The following TIA1 variants were observed in gnomAD, a reference collection of about 807,000 sequenced individuals.
TIA1 encodes cytotoxic granule associated RNA binding protein TIA1.
TIA1 carries 23 observed loss-of-function variants against 65.9 expected under a neutral mutation model. The observed-to-expected ratio is 0.35, with a 90% CI of 0.25 to 0.49. TIA1 has a LOEUF of 0.49. Ranked by LOEUF, TIA1 falls within the 20% of genes least tolerant of loss-of-function variation. The probability of loss-of-function intolerance (pLI) is 0.98; values close to 1 mark genes in which losing one functional copy is unlikely to be tolerated. For missense variants in TIA1, 371 were observed against 477.9 expected (o/e 0.78, Z 2.09); for synonymous variants, 147 against 149.4 (o/e 0.98, Z 0.12).
At chr2:70,234,702 C>CA (rs1361214944) in intron 2 of TIA1, among the ~76,000 whole-genome samples, 1 of 152,078 alleles carries the variant, frequency 6.6e-6, no homozygotes, top group East Asian at 1.9e-4. Context: ...GCTGGGATTA[C>CA]AGGCGCTTGC....
chr2:70,233,456 C>A lies in TIA1; in HGVS notation c.124-2602G>T, dbSNP rs186233670. Reference sequence around the variant, plus strand: ...TACCAAGATCAATGCTGACAGGCAACACTGAAATGAAGTTAGAAAAAGTCA... The same window carrying A: ...TACCAAGATCAATGCTGACAGGCAAAACTGAAATGAAGTTAGAAAAAGTCA... On this transcript the variant is annotated intron_variant, in intron 2 of 12. Transcript: ENST00000433529. Among the ~76,000 whole-genome samples, 21 of 152,228 alleles carry A rather than the reference C, an allele frequency of 1.4e-4. No individual in the cohort carries two copies. In the East Asian group the frequency reaches 3.9e-3, roughly 28 times the overall value.
At chr2:70,217,605 G>A (rs1344077894) in intron 7 of TIA1, among the ~76,000 whole-genome samples, 2 of 152,062 alleles carry the variant, frequency 1.3e-5, no homozygotes, top group Non-Finnish European at 2.9e-5. Context: ...CGCCATGTTA[G>A]CCAGGATGGT....
intron 2 of TIA1, among the ~76,000 whole-genome samples, chr2:70,234,446 G>T (rs72841149): frequency 0.061 from 9,347 of 152,194 alleles, 364 homozygotes; most frequent in East Asian, 0.18. Context: ...AAATGTGATA[G>T]AATAAAAGAA....
chr2:70,213,484 A>G (rs1290011228), intron 12 of TIA1, among the ~76,000 whole-genome samples: 1 of 150,908 alleles, frequency 6.6e-6, no homozygotes, highest in African/African-American at 2.4e-5. Context: ...ATCTGGGATT[A>G]TAGGCACGCA....
At chr2:70,221,428 C>G (rs1681298056) in intron 7 of TIA1, among the ~76,000 whole-genome samples, 1 of 151,896 alleles carries the variant, frequency 6.6e-6, no homozygotes, top group South Asian at 2.1e-4. Context: ...TATGATCACA[C>G]CACTGCACTC....
chr2:70,237,414 T>C (rs1474067902), intron 1 of TIA1, among the ~76,000 whole-genome samples: 5 of 151,350 alleles, frequency 3.3e-5, no homozygotes, highest in Non-Finnish European at 7.4e-5. Context: ...AAAGAAAATA[T>C]ATTACACCTT....
At chr2:70,238,428 G>A (rs147278058) in intron 1 of TIA1, among the ~76,000 whole-genome samples, 1,537 of 151,066 alleles carry the variant, frequency 0.01, 28 homozygotes, top group African/African-American at 0.036. Context: ...CCGCCACCAC[G>A]CCCAGCTAAT....
chr2:70,212,736 C>G lies in TIA1; in HGVS notation c.1144G>C (p.Gly382Arg). 1 of 1,613,048 alleles carries G rather than the reference C, an allele frequency of 6.2e-7. No individual in the cohort carries two copies. Among genetic ancestry groups the G allele is most frequent in the South Asian group, 1.1e-5 (1 of 91,032 alleles). Residue 382 changes from glycine to arginine, a missense_variant, in exon 13 of 13, where the codon GGG becomes CGG. By Grantham distance (125) the Gly-to-Arg change is moderately radical. Coordinates refer to ENST00000433529, the MANE Select transcript of TIA1 (RefSeq NM_022173.4). ...PNQPSGYRVA[G>R]YETQ ...GTCCTTATTCACTGGGTTTCATACC[C>G]TGCCACTCGATACCCAGAAGGCTGA... is the stretch of plus-strand genomic sequence containing the variant.
intron 7 of TIA1, among the ~76,000 whole-genome samples, chr2:70,219,599 T>C (rs1401285125): frequency 6.6e-6 from 1 of 152,162 alleles, no homozygotes; most frequent in Non-Finnish European, 1.5e-5. Context: ...AGCCTCCTAG[T>C]AGCTAGGACT....
chr2:70,223,706 G>A (rs190709655), intron 7 of TIA1, among the ~76,000 whole-genome samples: 1 of 151,192 alleles, frequency 6.6e-6, no homozygotes, highest in Non-Finnish European at 1.5e-5. Context: ...GAGCCACTGG[G>A]CTCGGCTGAA....
chr2:70,236,083 A>G lies in TIA1; in HGVS notation c.119T>C (p.Met40Thr), dbSNP rs1688780835. 1 of 1,582,306 alleles carries G rather than the reference A, an allele frequency of 6.3e-7. No homozygotes were observed. The highest frequency in any genetic ancestry group is 1.1e-5 in the South Asian group (1 of 87,112). Residue 40 changes from methionine (M) to threonine (T), a missense_variant, in exon 2 of 13, where the codon ATG becomes ACG. Physicochemically the swap from Met to Thr is moderately conservative, Grantham distance 81. Transcript: ENST00000433529. ...AACTAAGTAAAATACCCTTACATCC[A>G]TAATCATTTTGCAGTTTTTACAAGG... Reference protein sequence around the residue: ...IGPCKNCKMIMDTAGNDPYCF... With the variant: ...IGPCKNCKMITDTAGNDPYCF...
At chr2:70,225,726 T>C (rs1324905267) in intron 6 of TIA1, among the ~76,000 whole-genome samples, 1 of 152,232 alleles carries the variant, frequency 6.6e-6, no homozygotes, top group Non-Finnish European at 1.5e-5. Flanking sequence ...TGTAAGTCAA[T>C]GTTCAATATG....
At chr2:70,217,550 ACCACGCC>A (rs1679192802) in intron 7 of TIA1, among the ~76,000 whole-genome samples, 3 of 152,068 alleles carry the variant, frequency 2.0e-5, no homozygotes, top group African/African-American at 7.2e-5. Context: ...GGCACCTGCC[ACCACGCC>A]TGGCTCATTT....
chr2:70,214,203 A>G, intron 12 of TIA1, 146 bp downstream of exon 12: 3 of 901,118 alleles, frequency 3.3e-6, no homozygotes, highest in Non-Finnish European at 4.7e-6. Context: ...TTTTCTTACT[A>G]AAAAACAATT....
At chr2:70,244,999 T>C (rs1384578798) in intron 1 of TIA1, among the ~76,000 whole-genome samples, 1 of 151,974 alleles carries the variant, frequency 6.6e-6, no homozygotes, top group Non-Finnish European at 1.5e-5. Flanking sequence ...TATATAGCAA[T>C]TAATTGGGCT....
Position 70,248,591 on chromosome 2 carries a change from C to T in TIA1, c.-161G>A. ...CGGCAATTACACTAAACCGCCCGGCCCAGCGGGAACAATGAAACCCCAATA... is the reference window on the plus strand; with the variant it reads ...CGGCAATTACACTAAACCGCCCGGCTCAGCGGGAACAATGAAACCCCAATA... On this transcript the variant is annotated 5_prime_UTR_variant, in exon 1 of 13. Coordinates refer to ENST00000433529, the MANE Select transcript of TIA1 (RefSeq NM_022173.4). 9.9e-7 allele frequency: 1 copy of T among 1,009,546 alleles called. No individual in the cohort carries two copies. The highest frequency in any genetic ancestry group is 1.5e-6 in the Non-Finnish European group (1 of 672,100). The allele number at this position is 1,009,546 out of a possible 1,614,324, so 62.5% of individuals were successfully genotyped here.
chr2:70,224,267 C>A (rs1301091298), intron 7 of TIA1, among the ~76,000 whole-genome samples: 4 of 152,156 alleles, frequency 2.6e-5, no homozygotes. Flanking sequence ...GGAATATAAA[C>A]TAGGGAGATA....
intron 7 of TIA1, among the ~76,000 whole-genome samples, chr2:70,221,625 A>C (rs957509856): frequency 2.0e-5 from 3 of 152,160 alleles, no homozygotes; most frequent in African/African-American, 7.2e-5. Flanking sequence ...CAGAAAGTAG[A>C]TTGACAATTG....
chr2:70,239,565 G>C (rs572525416), intron 1 of TIA1, among the ~76,000 whole-genome samples: 1 of 152,240 alleles, frequency 6.6e-6, no homozygotes, highest in South Asian at 2.1e-4. Context: ...ACAAGGTATG[G>C]ACTTTCTCCC....
Sources: allele counts gnomAD v4.1 joint callset (sites outside exome capture counted in the v4.1 genomes callset), GRCh38; gene constraint gnomAD v4.1.1; transcripts MANE v1.5; gene names NCBI Gene and HGNC (gene_info 2026-07-23, HGNC 2026-07-21).